Variants in CNTNAP2 observed in about 807,000 individuals in gnomAD.
CNTNAP2 encodes the protein contactin-associated protein-like 2.
A neutral mutation model predicts 155.2 loss-of-function variants in CNTNAP2; 98 were observed. The observed-to-expected ratio is 0.63, with a 90% CI of 0.54 to 0.75. The LOEUF (loss-of-function observed/expected upper bound fraction) is 0.75. Among genes scored for constraint, CNTNAP2 ranks in the 30% least tolerant of loss-of-function variants. CNTNAP2 has a pLI of 0.00. For synonymous variants in CNTNAP2, 651 were observed against 631.2 expected (o/e 1.03, Z -0.47); for missense variants, 1,727 against 1,688.1 (o/e 1.02, Z -0.40).
chr7:148,185,830 AT>A (rs1423754000), intron 18 of CNTNAP2, among the ~76,000 whole-genome samples: 2 of 152,222 alleles, frequency 1.3e-5, no homozygotes, highest in African/African-American at 4.8e-5. Flanking sequence ...TGTAAGTCAA[AT>A]TAAAGCAGTA....
At chr7:146,899,764 A>T (rs1485879902) in intron 3 of CNTNAP2, among the ~76,000 whole-genome samples, 2 of 152,192 alleles carry the variant, frequency 1.3e-5, no homozygotes, top group African/African-American at 4.8e-5. Context: ...TGGAGGACCC[A>T]AAGTTAGCTA....
intron 13 of CNTNAP2, among the ~76,000 whole-genome samples, chr7:147,696,992 T>C (rs553099592): frequency 2.6e-5 from 4 of 152,308 alleles, no homozygotes; most frequent in Non-Finnish European, 5.9e-5. Context: ...TTTCATTTTT[T>C]GGCATTTATC....
chr7:146,625,196 G>T (rs769238130), intron 1 of CNTNAP2, among the ~76,000 whole-genome samples: 3 of 151,884 alleles, frequency 2.0e-5, no homozygotes, highest in Non-Finnish European at 4.4e-5. Flanking sequence ...GAGAGGAAAG[G>T]AGACTCAGGG....
At chr7:146,308,819 G>A (rs1442076318) in intron 1 of CNTNAP2, among the ~76,000 whole-genome samples, 1 of 152,028 alleles carries the variant, frequency 6.6e-6, no homozygotes, top group East Asian at 1.9e-4. Context: ...ACATACCGGG[G>A]CCTGTTGTAG....
At chr7:148,109,348 G>T (rs537382660) in intron 15 of CNTNAP2, among the ~76,000 whole-genome samples, 1 of 150,460 alleles carries the variant, frequency 6.6e-6, no homozygotes. Flanking sequence ...GGAAAGAAGA[G>T]AGGTGTTTTG....
At chr7:147,406,934 G>A (rs1797014217) in intron 10 of CNTNAP2, among the ~76,000 whole-genome samples, 1 of 152,136 alleles carries the variant, frequency 6.6e-6, no homozygotes, top group South Asian at 2.1e-4. Context: ...AACTTTGTTT[G>A]CCTTCAACGA....
chr7:146,131,477 T>A (rs1293224460), intron 1 of CNTNAP2, among the ~76,000 whole-genome samples: 2 of 152,218 alleles, frequency 1.3e-5, no homozygotes, highest in African/African-American at 4.8e-5. Flanking sequence ...AGGATTGTTT[T>A]AAAATGTATC....
At chr7:146,202,903 T>C (rs752080816) in intron 1 of CNTNAP2, among the ~76,000 whole-genome samples, 1 of 152,210 alleles carries the variant, frequency 6.6e-6, no homozygotes, top group Non-Finnish European at 1.5e-5. Flanking sequence ...TTTTTGTACT[T>C]CATACAATAA....
chr7:147,850,168 T>C (rs1245502619), intron 13 of CNTNAP2, among the ~76,000 whole-genome samples: 4 of 152,180 alleles, frequency 2.6e-5, no homozygotes. Context: ...AAATAATAAA[T>C]GCTTCAAAGA....
chr7:146,317,031 T>A lies in CNTNAP2; in HGVS notation c.97+200058T>A, dbSNP rs574331087. Among the ~76,000 whole-genome samples, 3 of 152,356 alleles carry A rather than the reference T, an allele frequency of 2.0e-5. No individual in the cohort carries two copies. In the East Asian group the frequency reaches 5.8e-4, roughly 29 times the overall value. On this transcript the variant is annotated intron_variant, in intron 1 of 23. Coordinates refer to ENST00000361727, the MANE Select transcript of CNTNAP2 (RefSeq NM_014141.6). ...TTGTGTTATGTACCGCATACCATGA[T>A]GGATAATACCACAACTTGGTACGTC...
intron 2 of CNTNAP2, among the ~76,000 whole-genome samples, chr7:146,785,464 G>T (rs999917635): frequency 6.6e-6 from 1 of 152,118 alleles, no homozygotes; most frequent in Admixed American, 6.6e-5. Context: ...CTAAATGTGT[G>T]AACAAGTACA....
At chr7:147,004,629 G>C (rs182216149) in intron 3 of CNTNAP2, among the ~76,000 whole-genome samples, 1 of 151,956 alleles carries the variant, frequency 6.6e-6, no homozygotes, top group Non-Finnish European at 1.5e-5. Context: ...AACTGTCATC[G>C]TATGGCGGAG....
intron 10 of CNTNAP2, among the ~76,000 whole-genome samples, chr7:147,449,698 G>GA (rs1797799146): frequency 6.6e-6 from 1 of 151,768 alleles, no homozygotes; most frequent in Non-Finnish European, 1.5e-5. Flanking sequence ...ATTTAAGGTG[G>GA]AAAAAAAAGA....
intron 11 of CNTNAP2, among the ~76,000 whole-genome samples, chr7:147,502,739 G>GTA (rs36141642): frequency 0.026 from 2,171 of 82,944 alleles, 26 homozygotes; most frequent in Middle Eastern, 0.051. Flanking sequence ...GTGTGTGTGT[G>GTA]TGTATATATA....
chr7:147,199,994 A>C (rs530070712), intron 8 of CNTNAP2, among the ~76,000 whole-genome samples: 43 of 152,198 alleles, frequency 2.8e-4, no homozygotes, highest in African/African-American at 8.2e-4. Context: ...CTTCACCTTC[A>C]GCCACACTCA....
In CNTNAP2 at chr7:148,062,028, A is replaced by AGAGAGAGAGTGT. The variant is rs1388530831; in HGVS notation, c.2384-56089_2384-56088insAGAGAGAGTGTG. On this transcript the variant is annotated intron_variant, in intron 15 of 23. Coordinates refer to ENST00000361727, the MANE Select transcript of CNTNAP2 (RefSeq NM_014141.6). ...ATAGATGATAGAGAGAGAGAGAGAG[A>AGAGAGAGAGTGT]GTGTGTGTGTGTGTGTGTGTGTGTG... Among the ~76,000 whole-genome samples, 204 of 105,964 alleles carry AGAGAGAGAGTGT rather than the reference A, an allele frequency of 1.9e-3. 2 individuals carry two copies. Among genetic ancestry groups the AGAGAGAGAGTGT allele is most frequent in the Middle Eastern group, 4.8e-3 (1 of 208 alleles). 69.5% of individuals were successfully genotyped at this position (105,964 alleles called of 152,430 possible).
At chr7:146,952,208 G>T (rs1197286800) in intron 3 of CNTNAP2, among the ~76,000 whole-genome samples, 1 of 152,038 alleles carries the variant, frequency 6.6e-6, no homozygotes, top group Non-Finnish European at 1.5e-5. Flanking sequence ...TGCTGAAAAG[G>T]CCTTCGATAA....
chr7:146,357,267 T>C (rs915796208), intron 1 of CNTNAP2, among the ~76,000 whole-genome samples: 1 of 112,714 alleles, frequency 8.9e-6, no homozygotes, highest in Admixed American at 8.6e-5. Flanking sequence ...CGAAACAAAA[T>C]AAAACATACC....
rs115005501 is a variant in CNTNAP2, at chr7:148,083,736, G to A, written c.2384-34382G>A. Among the ~76,000 whole-genome samples the A allele has an allele frequency of 9.3e-3, 1,419 of 152,210 alleles. 18 individuals are homozygous for A. The highest frequency in any genetic ancestry group is 0.024 in the Middle Eastern group (7 of 294). ...TCTAGAGCCTCTCAGAAGTCTCTGG[G>A]GACGCAGGAGTCTTTGGAGACTCAC... is the stretch of plus-strand genomic sequence containing the variant. On this transcript the variant is annotated intron_variant, in intron 15 of 23. Transcript: ENST00000361727.
Sources: gnomAD v4.1 joint callset for allele counts (sites outside exome capture counted in the v4.1 genomes callset) on GRCh38, gnomAD v4.1.1 for gene constraint, MANE v1.5 for transcripts, NCBI Gene and HGNC (gene_info 2026-07-23, HGNC 2026-07-21) for gene names.